Variants in LRP1B observed in about 807,000 individuals in gnomAD.
LRP1B encodes low-density lipoprotein receptor-related protein 1B.
In LRP1B, 217 loss-of-function variants were observed where a neutral mutation model predicts 556.6. That is an observed-to-expected ratio of 0.39 (90% CI 0.35 to 0.44). The LOEUF (loss-of-function observed/expected upper bound fraction) is 0.44. Among genes scored for constraint, LRP1B ranks in the 20% least tolerant of loss-of-function variants. The probability of loss-of-function intolerance (pLI) is 1.00; values close to 1 mark genes in which losing one functional copy is unlikely to be tolerated. For missense variants in LRP1B, 5,053 were observed against 5,620.8 expected, an observed-to-expected ratio of 0.90 and a Z score of 3.23; for synonymous variants, 2,047 against 1,865.8, an observed-to-expected ratio of 1.10 and a Z score of -2.50.
intron 7 of LRP1B, among the ~76,000 whole-genome samples, chr2:141,074,924 G>A (rs542981032): frequency 6.6e-6 from 1 of 152,170 alleles, no homozygotes; most frequent in South Asian, 2.1e-4. Flanking sequence ...GTAGTGATTA[G>A]TTCAGGGTTA....
At chr2:141,188,788 C>T (rs1456959372) in intron 6 of LRP1B, among the ~76,000 whole-genome samples, 1 of 151,896 alleles carries the variant, frequency 6.6e-6, no homozygotes, top group Non-Finnish European at 1.5e-5. Context: ...TTTCTTCTTG[C>T]TATCTGAAGA....
intron 7 of LRP1B, among the ~76,000 whole-genome samples, chr2:141,149,648 GGAA>G (rs1457595477): frequency 2.0e-5 from 3 of 152,050 alleles, no homozygotes; most frequent in Admixed American, 2.0e-4. Flanking sequence ...AAACTACCAA[GGAA>G]GAAGGAGGCC....
intron 7 of LRP1B, among the ~76,000 whole-genome samples, chr2:141,117,354 T>C (rs1221505307): frequency 1.3e-5 from 2 of 152,014 alleles, no homozygotes; most frequent in Non-Finnish European, 2.9e-5. Context: ...GGAGTTTCTT[T>C]TAAAACACTA....
At chr2:140,822,479 C>G (rs1191608932) in intron 31 of LRP1B, among the ~76,000 whole-genome samples, 1 of 152,146 alleles carries the variant, frequency 6.6e-6, no homozygotes, top group Non-Finnish European at 1.5e-5. Flanking sequence ...CAAGCGAAGT[C>G]AGTGAATTAC....
intron 2 of LRP1B, among the ~76,000 whole-genome samples, chr2:141,549,621 G>A (rs1179726186): frequency 6.6e-6 from 1 of 151,970 alleles, no homozygotes; most frequent in Non-Finnish European, 1.5e-5. Context: ...AGCCTTAGTA[G>A]CCAGTGTTTG....
chr2:141,514,161 C>G (rs1265924923), intron 2 of LRP1B, among the ~76,000 whole-genome samples: 1 of 152,142 alleles, frequency 6.6e-6, no homozygotes, highest in Non-Finnish European at 1.5e-5. Context: ...CCTCAACCCT[C>G]ATGGACTACA....
chr2:140,748,406 TATTCATATATA>T (rs1688418548), intron 35 of LRP1B, among the ~76,000 whole-genome samples: 1 of 102,486 alleles, frequency 9.8e-6, no homozygotes, highest in African/African-American at 3.6e-5. Context: ...TCATATATTA[TATTCATATATA>T]ATATATATTA....
At chr2:141,046,567 C>T (rs1293108925) in intron 11 of LRP1B, among the ~76,000 whole-genome samples, 3 of 152,050 alleles carry the variant, frequency 2.0e-5, no homozygotes, top group Non-Finnish European at 4.4e-5. Flanking sequence ...GTTCTCATAA[C>T]CTTCATACTG....
chr2:140,471,328 T>A (rs1687758329), intron 60 of LRP1B, among the ~76,000 whole-genome samples: 1 of 152,140 alleles, frequency 6.6e-6, no homozygotes, highest in African/African-American at 2.4e-5. Context: ...GCACTTTTGC[T>A]CTTAAAATTA....
At chr2:140,559,646 C>T (rs1432176887) in intron 43 of LRP1B, among the ~76,000 whole-genome samples, 1 of 151,622 alleles carries the variant, frequency 6.6e-6, no homozygotes, top group Non-Finnish European at 1.5e-5. Context: ...ACTTGGAGGA[C>T]CTCTTAATGG....
At chr2:141,859,225 GT>G (rs1272621046) in intron 1 of LRP1B, among the ~76,000 whole-genome samples, 1 of 151,962 alleles carries the variant, frequency 6.6e-6, no homozygotes, top group African/African-American at 2.4e-5. Context: ...ATTTTCTTCT[GT>G]TTTTCTTGTT....
At chr2:140,929,548 A>G (rs1694986541) in intron 20 of LRP1B, among the ~76,000 whole-genome samples, 1 of 152,122 alleles carries the variant, frequency 6.6e-6, no homozygotes, top group African/African-American at 2.4e-5. Context: ...TGTCTTGGAT[A>G]TAACCTTATA....
At chr2:141,220,699 G>A (rs1462566830) in intron 6 of LRP1B, among the ~76,000 whole-genome samples, 2 of 150,564 alleles carry the variant, frequency 1.3e-5, no homozygotes, top group Non-Finnish European at 2.9e-5. Flanking sequence ...AAGCCCATCG[G>A]ATTAACAGCA....
intron 23 of LRP1B, among the ~76,000 whole-genome samples, chr2:140,890,703 T>C (rs2105200894): frequency 6.6e-6 from 1 of 152,146 alleles, no homozygotes; most frequent in Non-Finnish European, 1.5e-5. Flanking sequence ...TGTTGACTTA[T>C]TAGATTATTA....
At chr2:141,060,216 A>G (rs1699298085) in intron 8 of LRP1B, among the ~76,000 whole-genome samples, 1 of 151,772 alleles carries the variant, frequency 6.6e-6, no homozygotes, top group African/African-American at 2.4e-5. Context: ...CGACTAAAAA[A>G]AGACTGGCTT....
chr2:141,408,786 G>T (rs144883007), intron 3 of LRP1B, among the ~76,000 whole-genome samples: 2,320 of 151,724 alleles, frequency 0.015, 65 homozygotes, highest in African/African-American at 0.053. Flanking sequence ...TCTCTTTCAC[G>T]TTGTCATTTT....
chr2:141,652,739 CA>C (rs1470521568), intron 2 of LRP1B, among the ~76,000 whole-genome samples: 2 of 152,130 alleles, frequency 1.3e-5, no homozygotes, highest in African/African-American at 4.8e-5. Flanking sequence ...GAAATCATAA[CA>C]TAGGCAGGCA....
chr2:140,389,337 C>T (rs1321781844), intron 66 of LRP1B, among the ~76,000 whole-genome samples: 1 of 151,740 alleles, frequency 6.6e-6, no homozygotes, highest in Non-Finnish European at 1.5e-5. Context: ...CCTCTGGGAG[C>T]AAGACGTGGA....
intron 7 of LRP1B, among the ~76,000 whole-genome samples, chr2:141,104,206 T>G (rs1252822690): frequency 2.0e-5 from 3 of 152,070 alleles, no homozygotes; most frequent in African/African-American, 7.2e-5. Context: ...TGGTTTCCTA[T>G]TCCTGTGTTA....
Sources: gnomAD v4.1 joint callset for allele counts (sites outside exome capture counted in the v4.1 genomes callset) on GRCh38, gnomAD v4.1.1 for gene constraint, MANE v1.5 for transcripts, NCBI Gene and HGNC (gene_info 2026-07-23, HGNC 2026-07-21) for gene names.